MEIOSIN: variants seen among roughly 807,000 people sequenced by gnomAD.
The protein encoded by MEIOSIN is meiosis initiator protein.
A neutral mutation model predicts 23.4 loss-of-function variants in MEIOSIN; 18 were observed. The ratio of observed to expected loss-of-function variants is 0.77; its 90% CI spans 0.53 to 1.14. The LOEUF (loss-of-function observed/expected upper bound fraction) is 1.14, where lower values mean the gene tolerates loss of function less well. Ranked by LOEUF, MEIOSIN falls within the 50% of genes most tolerant of loss-of-function variation. The pLI is 0.00. For missense variants in MEIOSIN, 428 were observed against 242.9 expected, an observed-to-expected ratio of 1.76 and a Z score of -5.07; for synonymous variants, 187 against 100.6, an observed-to-expected ratio of 1.86 and a Z score of -5.14.
chr19:45,764,335 G>A lies in MEIOSIN; in HGVS notation c.*217G>A. The A allele has an allele frequency of 2.6e-6, 1 of 392,096 alleles. No individual in the cohort carries two copies. The highest frequency in any genetic ancestry group is 4.5e-6 in the Non-Finnish European group (1 of 222,356). The allele number at this position is 392,096 out of a possible 1,614,324, so 24.3% of individuals were successfully genotyped here. ...CCACAGCTGCCTTGATTCTCCCCCA[G>A]GCTTAGGAAGGAAACCCAAAATGAA... On this transcript the variant is annotated 3_prime_UTR_variant, in exon 15 of 15. Coordinates refer to ENST00000457052, the MANE Select transcript of MEIOSIN (RefSeq NM_001310124.2).
In MEIOSIN at chr19:45,761,999, T is replaced by C; in HGVS notation, c.1495T>C (p.Trp499Arg). 1 of 521,200 alleles carries C rather than the reference T, an allele frequency of 1.9e-6. No homozygotes were observed. Among genetic ancestry groups the C allele is most frequent in the South Asian group, 2.9e-5 (1 of 34,424 alleles). 32.3% of individuals were successfully genotyped at this position (521,200 alleles called of 1,614,324 possible). A position where few individuals can be genotyped will look rare whatever the true frequency, so the allele number is the denominator to read the frequency against. Residue 499 changes from tryptophan (W) to arginine (R), a missense_variant, in exon 13 of 15, where the codon TGG becomes CGG. Coordinates refer to ENST00000457052, the MANE Select transcript of MEIOSIN (RefSeq NM_001310124.2). The part of the protein sequence containing the change: ...GSSEEDEDTT[W>R]TPTRLASPLL... ...CAGCGAAGAGGACGAAGACACCACA[T>C]GGACCCCCACCCGGCTGGCCTCACC...
intron 5 of MEIOSIN, among the ~76,000 whole-genome samples, chr19:45,752,541 CAG>C (rs1315015331): frequency 1.3e-5 from 2 of 151,998 alleles, no homozygotes; most frequent in African/African-American, 2.4e-5. Flanking sequence ...TTTGTAGAGA[CAG>C]AGTCTCACTG....
At chr19:45,754,061 C>G (rs1005909179) in intron 6 of MEIOSIN, among the ~76,000 whole-genome samples, 1 of 152,192 alleles carries the variant, frequency 6.6e-6, no homozygotes, top group African/African-American at 2.4e-5. Flanking sequence ...ACTGCCACCT[C>G]TGCCTCCCAG....
chr19:45,748,477 T>C (rs1009360397), intron 4 of MEIOSIN, among the ~76,000 whole-genome samples: 3 of 152,266 alleles, frequency 2.0e-5, no homozygotes, highest in Middle Eastern at 3.4e-3. Context: ...TAGATGTTTG[T>C]TGAATGACTG....
intron 9 of MEIOSIN, 39 bp from the exon 10 acceptor site, chr19:45,758,838 AT>A: frequency 1.4e-6 from 1 of 696,738 alleles, no homozygotes; most frequent in Non-Finnish European, 2.6e-6. Flanking sequence ...GCAGAGGGTG[AT>A]CTCTGGCCAC....
At chr19:45,762,227 C>T (rs7259515) in intron 13 of MEIOSIN, 44 bp downstream of exon 13, 6 of 404,946 alleles carry the variant, frequency 1.5e-5, no homozygotes, top group Admixed American at 4.2e-5. Flanking sequence ...GCCCTGGCTT[C>T]GTTCTCTGCC....
intron 5 of MEIOSIN, among the ~76,000 whole-genome samples, chr19:45,751,986 G>A (rs1382967682): frequency 6.7e-6 from 1 of 149,782 alleles, no homozygotes; most frequent in African/African-American, 2.5e-5. Context: ...ACCCACCTTG[G>A]CCTCCCAAAG....
chr19:45,747,485 AC>A, intron 4 of MEIOSIN, among the ~76,000 whole-genome samples: 1 of 151,748 alleles, frequency 6.6e-6, no homozygotes, highest in Non-Finnish European at 1.5e-5. Flanking sequence ...CTTGTTTCCG[AC>A]CTCCTTCAGG....
intron 14 of MEIOSIN, among the ~76,000 whole-genome samples, chr19:45,763,721 T>C (rs1468152163): frequency 6.6e-6 from 1 of 152,072 alleles, no homozygotes; most frequent in African/African-American, 2.4e-5. Context: ...CTTGGCCACC[T>C]CGACTCCCCC....
intron 1 of MEIOSIN, among the ~76,000 whole-genome samples, chr19:45,734,107 A>G (rs765877002): frequency 9.9e-5 from 15 of 152,124 alleles, no homozygotes; most frequent in Non-Finnish European, 1.5e-4. Context: ...GTATAGATTT[A>G]GGGCCTAAAT....
intron 3 of MEIOSIN, among the ~76,000 whole-genome samples, chr19:45,740,152 A>G (rs1346040023): frequency 2.0e-5 from 3 of 152,000 alleles, no homozygotes. Context: ...CCAGCCCCAC[A>G]CGCTTTCTTG....
intron 2 of MEIOSIN, among the ~76,000 whole-genome samples, chr19:45,738,267 C>A (rs1182558982): frequency 6.6e-6 from 1 of 152,202 alleles, no homozygotes; most frequent in African/African-American, 2.4e-5. Flanking sequence ...TCATTAACTC[C>A]AAAATTAAGC....
chr19:45,741,724 C>A (rs1192140404), intron 3 of MEIOSIN, among the ~76,000 whole-genome samples: 1 of 151,864 alleles, frequency 6.6e-6, no homozygotes, highest in Non-Finnish European at 1.5e-5. Context: ...AACCAACCAA[C>A]CAACCAACCA....
At chr19:45,755,906 T>C (rs909775983) in intron 7 of MEIOSIN, 64 bp from the exon 8 acceptor site, 13 of 675,552 alleles carry the variant, frequency 1.9e-5, no homozygotes, top group Non-Finnish European at 3.0e-5. Flanking sequence ...CTTTGTCCCC[T>C]GCTTCTGGGC....
At chr19:45,734,126 A>G (rs962506370) in intron 1 of MEIOSIN, among the ~76,000 whole-genome samples, 4 of 152,118 alleles carry the variant, frequency 2.6e-5, no homozygotes, top group Non-Finnish European at 5.9e-5. Flanking sequence ...ATCCCAATGT[A>G]GAGTATGAAG....
intron 4 of MEIOSIN, among the ~76,000 whole-genome samples, chr19:45,749,691 A>AAAAAAG (rs1968658130): frequency 7.4e-6 from 1 of 135,370 alleles, no homozygotes; most frequent in African/African-American, 2.8e-5. Flanking sequence ...AAAAAAAAAA[A>AAAAAAG]GCGCAAAAAA....
intron 9 of MEIOSIN, 143 bp downstream of exon 9, chr19:45,757,420 T>TG: frequency 1.8e-6 from 1 of 548,472 alleles, no homozygotes. Context: ...ACAGTGCACC[T>TG]GCCAGCTCTC....
At chr19:45,743,171 C>T (rs890180450) in intron 3 of MEIOSIN, among the ~76,000 whole-genome samples, 3 of 152,156 alleles carry the variant, frequency 2.0e-5, no homozygotes, top group Non-Finnish European at 4.4e-5. Context: ...CCTTTCTAAC[C>T]TCTGTGTTTA....
At chr19:45,744,872 C>G (rs1161751973) in intron 3 of MEIOSIN, among the ~76,000 whole-genome samples, 1 of 152,036 alleles carries the variant, frequency 6.6e-6, no homozygotes, top group Non-Finnish European at 1.5e-5. Flanking sequence ...GAAAGGTCAC[C>G]CTGACTCTAG....
Sources: allele counts gnomAD v4.1 joint callset (sites outside exome capture counted in the v4.1 genomes callset), GRCh38; gene constraint gnomAD v4.1.1; transcripts MANE v1.5; gene names NCBI Gene and HGNC (gene_info 2026-07-23, HGNC 2026-07-21).